C1orf105: variants seen among roughly 807,000 people sequenced by gnomAD.
C1orf105 encodes the protein chromosome 1 open reading frame 105.
In C1orf105, 17 loss-of-function variants were observed where a neutral mutation model predicts 20.8. The observed-to-expected ratio is 0.82, with a 90% CI of 0.56 to 1.23. C1orf105 has a LOEUF of 1.23. Among genes scored for constraint, C1orf105 ranks in the 50% most tolerant of loss-of-function variants. C1orf105 has a pLI of 0.00. For missense variants in C1orf105, 219 were observed against 213.5 expected (o/e 1.03, Z -0.16); for synonymous variants, 72 against 72.1 (o/e 1.00, Z 0.01).
At chr1:172,450,138 A>G (rs1191518560) in intron 3 of C1orf105, among the ~76,000 whole-genome samples, 4 of 152,202 alleles carry the variant, frequency 2.6e-5, no homozygotes, top group Non-Finnish European at 5.9e-5. Flanking sequence ...GCGCAGCCCA[A>G]AGGGCTCCTG....
chr1:172,452,016 GC>G (rs1158870318), intron 3 of C1orf105, among the ~76,000 whole-genome samples: 2 of 151,760 alleles, frequency 1.3e-5, no homozygotes, highest in Non-Finnish European at 2.9e-5. Context: ...GGGATTACAG[GC>G]GCATGCCACC....
rs531767743 is a variant in C1orf105 at position 172,468,754 on chromosome 1, A to G, written c.*160A>G. ...TGCTGGTATTCTAGCTCTTACCTCT[A>G]TGTTCTTTCTCACGTCTCCTAAAGA... On this transcript the variant is annotated 3_prime_UTR_variant, in exon 7 of 7. Coordinates refer to ENST00000367727, the MANE Select transcript of C1orf105 (RefSeq NM_139240.4). The G allele has an allele frequency of 6.4e-5, 42 of 660,612 alleles. No individual in the cohort carries two copies. The highest frequency in any genetic ancestry group is 4.4e-4 in the Middle Eastern group (1 of 2,252). The allele number at this position is 660,612 out of a possible 1,614,324, so 40.9% of individuals were successfully genotyped here.
At chr1:172,440,970 G>A (rs12072189) in intron 1 of C1orf105, among the ~76,000 whole-genome samples, 94 of 152,184 alleles carry the variant, frequency 6.2e-4, no homozygotes, top group South Asian at 2.9e-3. Context: ...AGTTTCACTC[G>A]CTTCCATTAC....
chr1:172,432,849 C>T (rs2071914097), intron 1 of C1orf105, among the ~76,000 whole-genome samples: 1 of 152,084 alleles, frequency 6.6e-6, no homozygotes, highest in Admixed American at 6.5e-5. Context: ...TAAGCAATCG[C>T]AAGGAAGTTA....
intron 1 of C1orf105, among the ~76,000 whole-genome samples, chr1:172,423,076 A>G (rs1053408650): frequency 2.0e-5 from 3 of 152,204 alleles, no homozygotes; most frequent in African/African-American, 7.2e-5. Flanking sequence ...GAAGGAAAGG[A>G]CACAGCCTTG....
chr1:172,441,934 C>T lies in C1orf105; in HGVS notation c.22-3139C>T. ...TGAAAATGCAAAAAGCAGTGTGACC[C>T]CCACATAGCTCCGGGGAGTACATGC... is the stretch of plus-strand genomic sequence containing the variant. On this transcript the variant is annotated intron_variant, in intron 1 of 6. Coordinates refer to ENST00000367727, the MANE Select transcript of C1orf105 (RefSeq NM_139240.4). 3 of 1,614,170 alleles carry T rather than the reference C, an allele frequency of 1.9e-6. No homozygotes were observed. The South Asian group carries it at 3.3e-5, about 18-fold the overall frequency.
chr1:172,447,699 A>C (rs1648163408), intron 2 of C1orf105, among the ~76,000 whole-genome samples: 1 of 152,234 alleles, frequency 6.6e-6, no homozygotes, highest in South Asian at 2.1e-4. Context: ...GTTTTAAATA[A>C]ACAATGGACA....
intron 1 of C1orf105, among the ~76,000 whole-genome samples, chr1:172,422,895 C>T (rs1014183212): frequency 2.6e-5 from 4 of 152,160 alleles, no homozygotes; most frequent in Non-Finnish European, 5.9e-5. Flanking sequence ...GAAGAAACTC[C>T]TTTGCCTGGG....
chr1:172,468,658 G>A lies in C1orf105; in HGVS notation c.*64G>A. On this transcript the variant is annotated 3_prime_UTR_variant, in exon 7 of 7. Coordinates refer to ENST00000367727, the MANE Select transcript of C1orf105 (RefSeq NM_139240.4). Reference sequence around the variant, plus strand: ...AAATAACCTCGCCAAGCCAATCTTTGACACTGGCACCTTCTCCTCACAATT... The same window carrying A: ...AAATAACCTCGCCAAGCCAATCTTTAACACTGGCACCTTCTCCTCACAATT... The A allele has an allele frequency of 1.3e-6, 2 of 1,514,446 alleles. No homozygotes were observed. The highest frequency in any genetic ancestry group is 9.0e-7 in the Non-Finnish European group (1 of 1,114,426). 93.8% of individuals were successfully genotyped at this position (1,514,446 alleles called of 1,614,324 possible). A position where few individuals can be genotyped will look rare whatever the true frequency, so the allele number is the denominator to read the frequency against.
intron 3 of C1orf105, among the ~76,000 whole-genome samples, chr1:172,455,565 A>T (rs1055953538): frequency 6.6e-6 from 1 of 152,248 alleles, no homozygotes; most frequent in Non-Finnish European, 1.5e-5. Context: ...TCAAGTTCCT[A>T]TATGCTTCCT....
intron 1 of C1orf105, chr1:172,430,240 G>A (rs1322318008): frequency 3.0e-6 from 2 of 677,296 alleles, no homozygotes; most frequent in African/African-American, 1.8e-5. Flanking sequence ...TTTAAGTGAT[G>A]AGTAACTTCC....
intron 1 of C1orf105, among the ~76,000 whole-genome samples, chr1:172,421,955 GA>G (rs901510851): frequency 6.6e-6 from 1 of 152,170 alleles, no homozygotes; most frequent in Non-Finnish European, 1.5e-5. Flanking sequence ...AGCCAGAGGA[GA>G]ATTGCCCATC....
rs1442270825 is a variant in C1orf105, at chr1:172,445,145, A to G, written c.94A>G (p.Ser32Gly). ...ASLVNKPLVL[S>G]LPRRYPHTSA... is the part of the protein sequence containing the mutation. ...CCTTGTAAACAAGCCATTAGTGCTCAGCCTTCCCAGAAGGTAACCTCTCAG... is the reference window on the plus strand; with the variant it reads ...CCTTGTAAACAAGCCATTAGTGCTCGGCCTTCCCAGAAGGTAACCTCTCAG... Residue 32 changes from serine (S) to glycine (G), a missense_variant, in exon 2 of 7, where the codon AGC (serine) becomes GGC (glycine). Coordinates refer to ENST00000367727, the MANE Select transcript of C1orf105 (RefSeq NM_139240.4). 1 of 1,611,964 alleles carries G rather than the reference A, an allele frequency of 6.2e-7. No homozygotes were observed. Among genetic ancestry groups the G allele is most frequent in the African/African-American group, 1.3e-5 (1 of 74,960 alleles).
chr1:172,454,124 G>C (rs1041651263), intron 3 of C1orf105, among the ~76,000 whole-genome samples: 1 of 152,088 alleles, frequency 6.6e-6, no homozygotes, highest in African/African-American at 2.4e-5. Context: ...TCTGGAAAAA[G>C]GTGAAGGAAA....
intron 1 of C1orf105, chr1:172,443,648 A>G (rs1647595123): frequency 6.0e-6 from 1 of 167,204 alleles, no homozygotes; most frequent in Non-Finnish European, 1.5e-5. Context: ...GCCCGACTTT[A>G]TTTCTTCCAT....
intron 1 of C1orf105, among the ~76,000 whole-genome samples, chr1:172,428,284 C>G (rs2071774242): frequency 6.6e-6 from 1 of 152,184 alleles, no homozygotes; most frequent in African/African-American, 2.4e-5. Context: ...CCAAATGCTT[C>G]TTCCTGTGTC....
At chr1:172,446,052 C>T (rs557544866) in intron 2 of C1orf105, among the ~76,000 whole-genome samples, 5 of 152,138 alleles carry the variant, frequency 3.3e-5, no homozygotes, top group Non-Finnish European at 7.4e-5. Flanking sequence ...ACTTTAGTAA[C>T]ATGTACCTTT....
chr1:172,431,010 G>A (rs893591639), intron 1 of C1orf105: 2 of 587,414 alleles, frequency 3.4e-6, no homozygotes, highest in Admixed American at 5.8e-5. Context: ...TGTTCTGACT[G>A]CTCCACTGAC....
In C1orf105 at chr1:172,443,569, C is replaced by T. The variant is rs572748939; in HGVS notation, c.22-1504C>T. On this transcript the variant is annotated intron_variant, in intron 1 of 6. Transcript: ENST00000367727. ...GAAGAAGATAATCATTCCTTTTTCA[C>T]AATGAGAAAACTAAGAGTCAGAAAC... 8 of 167,032 alleles carry T rather than the reference C, an allele frequency of 4.8e-5. No homozygotes were observed. In the East Asian group the frequency reaches 1.5e-3, roughly 32 times the overall value. The allele number at this position is 167,032 out of a possible 1,614,324, so 10.3% of individuals were successfully genotyped here. A position where few individuals can be genotyped will look rare whatever the true frequency, so the allele number is the denominator to read the frequency against.
Sources: gnomAD v4.1 joint callset for allele counts (sites outside exome capture counted in the v4.1 genomes callset) on GRCh38, gnomAD v4.1.1 for gene constraint, MANE v1.5 for transcripts, NCBI Gene and HGNC (gene_info 2026-07-23, HGNC 2026-07-21) for gene names.